Variants in LRIG1 observed in about 807,000 individuals in gnomAD.
The protein encoded by LRIG1 is leucine-rich repeats and immunoglobulin-like domains protein 1.
A neutral mutation model predicts 99.2 loss-of-function variants in LRIG1; 48 were observed. The ratio of observed to expected loss-of-function variants is 0.48; its 90% CI spans 0.38 to 0.62. LRIG1 has a LOEUF of 0.62. Ranked by LOEUF, LRIG1 falls within the 20% of genes least tolerant of loss-of-function variation. The pLI, the probability that LRIG1 is intolerant of heterozygous loss-of-function variation, is 0.00. For synonymous variants in LRIG1, 772 were observed against 596.1 expected (o/e 1.29, Z -4.30); for missense variants, 1,646 against 1,434.4 (o/e 1.15, Z -2.38).
At chr3:66,400,475 G>A (rs902147963) in intron 9 of LRIG1, among the ~76,000 whole-genome samples, 9 of 152,184 alleles carry the variant, frequency 5.9e-5, no homozygotes, top group African/African-American at 2.2e-4. Context: ...TAAGAATACC[G>A]ATTGCTGGGA....
chr3:66,387,458 A>C (rs943315376), intron 12 of LRIG1: 1 of 152,104 alleles, frequency 6.6e-6, no homozygotes, highest in Non-Finnish European at 1.5e-5. Flanking sequence ...TTCTCTGTCC[A>C]ACCATTAGCT....
In LRIG1 at chr3:66,383,209, G is replaced by A. The variant is rs953351850; in HGVS notation, c.2264C>T (p.Ala755Val). 1.2e-6 allele frequency: 2 copies of A among 1,614,226 alleles called. No individual in the cohort carries two copies. Among genetic ancestry groups the A allele is most frequent in the Non-Finnish European group, 1.7e-6 (2 of 1,180,048 alleles). The change falls in exon 15 of 19, where the codon GCA becomes GTA. Residue 755 changes from alanine (A) to valine (V), a missense_variant. Transcript: ENST00000273261. Reference sequence around the variant, plus strand: ...ACAGGTATATCGGCCCGCATCCTCTGCCACCACGTTCTGAACCACCAGGAG... The same window carrying A: ...ACAGGTATATCGGCCCGCATCCTCTACCACCACGTTCTGAACCACCAGGAG... ...NQLLVVQNVV[A>V]EDAGRYTCEM...
chr3:66,472,033 G>A (rs1700607642), intron 1 of LRIG1, among the ~76,000 whole-genome samples: 1 of 152,078 alleles, frequency 6.6e-6, no homozygotes, highest in Non-Finnish European at 1.5e-5. Context: ...GGCCAGGCGT[G>A]GTGGCTCATG....
chr3:66,417,151 G>A lies in LRIG1; in HGVS notation c.481C>T (p.His161Tyr), dbSNP rs771729790. ...ITEVRNTCFP[H>Y]GPPIKELNLA... is the part of the protein sequence containing the mutation. ...TACAGCTCCTTTATAGGCGGTCCGT[G>A]TGGAAAGCAGGTGTTCCGCACTTCC... Residue 161 changes from histidine (H) to tyrosine (Y), a missense_variant, in exon 4 of 19, where the codon CAC becomes TAC. Physicochemically the swap from His to Tyr is moderately conservative, Grantham distance 83. Transcript: ENST00000273261. 7 of 1,614,206 alleles carry A rather than the reference G, an allele frequency of 4.3e-6. No homozygotes were observed. The highest frequency in any genetic ancestry group is 4.0e-5 in the African/African-American group (3 of 75,070).
chr3:66,398,224 G>T, intron 10 of LRIG1, 41 bp from the exon 11 acceptor site: 1 of 1,514,918 alleles, frequency 6.6e-7, no homozygotes, highest in Non-Finnish European at 9.2e-7. Flanking sequence ...GAAACCCTAG[G>T]TACACCTGAG....
intron 3 of LRIG1, among the ~76,000 whole-genome samples, chr3:66,439,664 T>C (rs1480987732): frequency 2.0e-5 from 3 of 152,126 alleles, no homozygotes; most frequent in Non-Finnish European, 1.5e-5. Context: ...TGTTTTACTA[T>C]AAAGAGAGTT....
rs775812908 is a variant in LRIG1, at chr3:66,381,469, C to T, written c.2770+10G>A. On this transcript the variant is annotated intron_variant, in intron 17 of 18. Coordinates refer to ENST00000273261, the MANE Select transcript of LRIG1 (RefSeq NM_015541.3). ...GAAAGAAACTACTTCCAATGGGAAGCATCTCATACCCATCTTATGTGGCCC... is the reference window on the plus strand; with the variant it reads ...GAAAGAAACTACTTCCAATGGGAAGTATCTCATACCCATCTTATGTGGCCC... The T allele has an allele frequency of 4.4e-6, 7 of 1,604,842 alleles. No individual in the cohort carries two copies. Among genetic ancestry groups the T allele is most frequent in the Non-Finnish European group, 5.1e-6 (6 of 1,173,180 alleles).
chr3:66,383,951 C>CACACACA, intron 14 of LRIG1, 40 bp downstream of exon 14: 1 of 1,476,964 alleles, frequency 6.8e-7, no homozygotes, highest in East Asian at 2.3e-5. Context: ...CTCTCGCTCA[C>CACACACA]ACACACACAC....
Position 66,417,150 on chromosome 3 carries a change from T to G in LRIG1, c.482A>C (p.His161Pro). Residue 161 changes from histidine (H) to proline (P), a missense_variant, in exon 4 of 19, where the codon CAC becomes CCC. Transcript: ENST00000273261. Reference sequence around the variant, plus strand: ...TTACAGCTCCTTTATAGGCGGTCCGTGTGGAAAGCAGGTGTTCCGCACTTC... The same window carrying G: ...TTACAGCTCCTTTATAGGCGGTCCGGGTGGAAAGCAGGTGTTCCGCACTTC... ...ITEVRNTCFP[H>P]GPPIKELNLA... 6.2e-7 allele frequency: 1 copy of G among 1,614,178 alleles called. No homozygotes were observed. Among genetic ancestry groups the G allele is most frequent in the South Asian group, 1.1e-5 (1 of 91,076 alleles).
chr3:66,382,896 C>T (rs960136094), intron 15 of LRIG1, 86 bp downstream of exon 15: 10 of 1,304,218 alleles, frequency 7.7e-6, no homozygotes, highest in Non-Finnish European at 1.0e-5. Context: ...GCAATTCTTT[C>T]AAAAGCCACT....
chr3:66,498,750 C>G (rs1383515059), intron 1 of LRIG1, among the ~76,000 whole-genome samples: 1 of 152,142 alleles, frequency 6.6e-6, no homozygotes, highest in African/African-American at 2.4e-5. Context: ...TATTGAAAAC[C>G]TAACTGTAAC....
chr3:66,384,362 C>T (rs765560816), intron 13 of LRIG1, 90 bp from the exon 14 acceptor site: 2 of 1,361,534 alleles, frequency 1.5e-6, no homozygotes, highest in Non-Finnish European at 2.1e-6. Flanking sequence ...TGTCACTGTG[C>T]CCAGTGCCAG....
intron 5 of LRIG1, among the ~76,000 whole-genome samples, 167 bp from the exon 6 acceptor site, chr3:66,413,181 A>G (rs1229017982): frequency 6.6e-6 from 1 of 152,182 alleles, no homozygotes; most frequent in Admixed American, 6.5e-5. Flanking sequence ...CTCGGCTGCC[A>G]TGCAGGCACT....
In LRIG1 at chr3:66,413,086, C is replaced by G; in HGVS notation, c.648-72G>C. On this transcript the variant is annotated intron_variant, in intron 5 of 18. Coordinates refer to ENST00000273261, the MANE Select transcript of LRIG1 (RefSeq NM_015541.3). ...CCACCCACAACCATTCTGAAGCAGT[C>G]CTGGCTAAGTTTCCAAGCCAGAGGA... The G allele has an allele frequency of 1.3e-6, 2 of 1,566,852 alleles. 1 individual carries two copies. Among genetic ancestry groups the G allele is most frequent in the South Asian group, 2.3e-5 (2 of 88,776 alleles).
chr3:66,458,931 C>G (rs4856939), intron 2 of LRIG1, among the ~76,000 whole-genome samples: 38,934 of 150,494 alleles, frequency 0.26, 6,161 homozygotes, highest in East Asian at 0.67. Flanking sequence ...GCAGGGGAAT[C>G]ACTTGAACCG....
chr3:66,457,044 T>C (rs1700243137), intron 2 of LRIG1, among the ~76,000 whole-genome samples: 1 of 152,040 alleles, frequency 6.6e-6, no homozygotes, highest in Non-Finnish European at 1.5e-5. Flanking sequence ...TCGCCTTCTC[T>C]CTCCAGCCGG....
chr3:66,389,334 CAT>C (rs1701526159), intron 12 of LRIG1, among the ~76,000 whole-genome samples: 1 of 151,874 alleles, frequency 6.6e-6, no homozygotes, highest in African/African-American at 2.4e-5. Flanking sequence ...AGATAGGACA[CAT>C]AGAAGAAATA....
At chr3:66,448,927 C>T (rs1480129067) in intron 3 of LRIG1, among the ~76,000 whole-genome samples, 2 of 152,202 alleles carry the variant, frequency 1.3e-5, no homozygotes, top group Admixed American at 6.5e-5. Flanking sequence ...CAAAAAGTGC[C>T]TACTAAATAT....
At chr3:66,485,282 C>G (rs1046753264) in intron 1 of LRIG1, among the ~76,000 whole-genome samples, 3 of 152,086 alleles carry the variant, frequency 2.0e-5, no homozygotes, top group African/African-American at 7.2e-5. Context: ...CACTGGCGGC[C>G]ACAGCACTCT....
Sources: allele counts gnomAD v4.1 joint callset (sites outside exome capture counted in the v4.1 genomes callset), GRCh38; gene constraint gnomAD v4.1.1; transcripts MANE v1.5; gene names NCBI Gene and HGNC (gene_info 2026-07-23, HGNC 2026-07-21).